The following CEP97 variants were observed in gnomAD, a reference collection of about 807,000 sequenced individuals.
CEP97 encodes the protein centrosomal protein of 97 kDa.
CEP97 carries 43 observed loss-of-function variants against 73.1 expected under a neutral mutation model. That is an observed-to-expected ratio of 0.59 (90% CI 0.46 to 0.76). CEP97 has a LOEUF of 0.76. Among genes scored for constraint, CEP97 ranks in the 30% least tolerant of loss-of-function variants. The probability of loss-of-function intolerance (pLI) is 0.00; values close to 1 mark genes in which losing one functional copy is unlikely to be tolerated. For synonymous variants in CEP97, 337 were observed against 370.0 expected (o/e 0.91, Z 1.02); for missense variants, 939 against 1,014.0 (o/e 0.93, Z 1.00).
rs200003550 is a variant in CEP97 at position 101,732,582 on chromosome 3, A to C, written c.656A>C (p.Tyr219Ser). 1 of 1,613,982 alleles carries C rather than the reference A, an allele frequency of 6.2e-7. No homozygotes were observed. The highest frequency in any genetic ancestry group is 2.2e-5 in the East Asian group (1 of 44,888). ...MATPSIPGFD[Y>S]RPYIVSWCLN... Reference sequence around the variant, plus strand: ...ACACCATCCATCCCAGGATTTGACTATCGGCCGTACATCGTCAGCTGGTGC... The same window carrying C: ...ACACCATCCATCCCAGGATTTGACTCTCGGCCGTACATCGTCAGCTGGTGC... Residue 219 changes from tyrosine (Y) to serine (S), a missense_variant, in exon 6 of 11, where the codon TAT (tyrosine) becomes TCT (serine). Physicochemically the swap from Tyr to Ser is moderately radical, Grantham distance 144. Coordinates refer to ENST00000341893, the MANE Select transcript of CEP97 (RefSeq NM_024548.4).
rs1351403885 is a variant in CEP97 at position 101,766,302 on chromosome 3, T to C, written c.*751T>C. 1 of 152,522 alleles carries C rather than the reference T, an allele frequency of 6.6e-6. No individual in the cohort carries two copies. Among genetic ancestry groups the C allele is most frequent in the East Asian group, 1.9e-4 (1 of 5,206 alleles). 9.4% of individuals were successfully genotyped at this position (152,522 alleles called of 1,614,324 possible). A position where few individuals can be genotyped will look rare whatever the true frequency, so the allele number is the denominator to read the frequency against. On this transcript the variant is annotated 3_prime_UTR_variant, in exon 11 of 11. Transcript: ENST00000341893. ...AAAGGAAACACTAGTCTCCATTCAC[T>C]TGAAATACTCTCATGGCAAATATTT...
At chr3:101,739,648 C>A (rs544564190) in intron 6 of CEP97, among the ~76,000 whole-genome samples, 27 of 152,142 alleles carry the variant, frequency 1.8e-4, no homozygotes, top group Non-Finnish European at 3.5e-4. Flanking sequence ...TGGCTCACGA[C>A]TGTAATCCCA....
rs964984871 is a variant in CEP97, at chr3:101,769,069, A to G, written c.*3518A>G. On this transcript the variant is annotated 3_prime_UTR_variant, in exon 11 of 11. Transcript: ENST00000341893. Reference sequence around the variant, plus strand: ...GGATTATTTTTTGTATACAAACACCATAATACTGTATTTTCCTGTTATCTA... The same window carrying G: ...GGATTATTTTTTGTATACAAACACCGTAATACTGTATTTTCCTGTTATCTA... 1.3e-5 allele frequency: 2 copies of G among 152,204 alleles called. No homozygotes were observed. Among genetic ancestry groups the G allele is most frequent in the African/African-American group, 4.8e-5 (2 of 41,456 alleles). 9.4% of individuals were successfully genotyped at this position (152,204 alleles called of 1,614,324 possible).
At chr3:101,759,575 G>C (rs951044988) in intron 9 of CEP97, 2 of 152,270 alleles carry the variant, frequency 1.3e-5, no homozygotes, top group African/African-American at 4.8e-5. Flanking sequence ...ATCATTGATT[G>C]CCTAAACTAT....
At chr3:101,763,140 T>C in intron 10 of CEP97, 1 of 1,227,046 alleles carries the variant, frequency 8.1e-7, no homozygotes, top group Non-Finnish European at 1.1e-6. Context: ...CCCAGGCCGG[T>C]CTCAAACTTC....
chr3:101,759,973 C>T (rs1291492553), intron 9 of CEP97, among the ~76,000 whole-genome samples: 4 of 122,738 alleles, frequency 3.3e-5, no homozygotes, highest in South Asian at 5.4e-4. Context: ...AGAGTTTGTT[C>T]ATGTGTTGAT....
At chr3:101,735,971 G>A (rs183955769) in intron 6 of CEP97, among the ~76,000 whole-genome samples, 1 of 152,322 alleles carries the variant, frequency 6.6e-6, no homozygotes, top group Non-Finnish European at 1.5e-5. Flanking sequence ...TGCCAGTACA[G>A]CAGTCTGAAG....
In CEP97 at chr3:101,761,994, T is replaced by C. The variant is rs550319464; in HGVS notation, c.1818-491T>C. On this transcript the variant is annotated intron_variant, in intron 9 of 10. Coordinates refer to ENST00000341893, the MANE Select transcript of CEP97 (RefSeq NM_024548.4). ...AGGTCGGAGACCTGGGGAAACAGAA[T>C]AGTGAAGTTTGATGGGATTAGTCTT... Among the ~76,000 whole-genome samples, 3 of 152,208 alleles carry C rather than the reference T, an allele frequency of 2.0e-5. No individual in the cohort carries two copies. The South Asian group carries it at 6.2e-4, about 32-fold the overall frequency.
rs1045037588 is a variant in CEP97, at chr3:101,728,696, C to T, written c.346-140C>T. On this transcript the variant is annotated intron_variant, in intron 3 of 10. Coordinates refer to ENST00000341893, the MANE Select transcript of CEP97 (RefSeq NM_024548.4). ...CTACTAAATTCTGTTAGTACTGCCC[C>T]TTTTCTCTTGCTAAGTTCTTCTACT... 8 of 626,636 alleles carry T rather than the reference C, an allele frequency of 1.3e-5. No homozygotes were observed. The African/African-American group carries it at 1.3e-4, about 10-fold the overall frequency. The allele number at this position is 626,636 out of a possible 1,614,324, so 38.8% of individuals were successfully genotyped here.
chr3:101,724,838 T>C (rs1306889109), intron 1 of CEP97, 119 bp downstream of exon 1: 1 of 1,072,466 alleles, frequency 9.3e-7, no homozygotes, highest in South Asian at 1.4e-5. Context: ...GATGCGGATC[T>C]GTGGTCGTCG....
At chr3:101,739,298 G>T (rs1271877559) in intron 6 of CEP97, among the ~76,000 whole-genome samples, 1 of 152,112 alleles carries the variant, frequency 6.6e-6, no homozygotes, top group African/African-American at 2.4e-5. Context: ...GAAAAAGAGG[G>T]ACTCCTCCCT....
intron 6 of CEP97, among the ~76,000 whole-genome samples, chr3:101,751,105 A>G (rs1401419455): frequency 2.0e-5 from 3 of 152,132 alleles, no homozygotes; most frequent in African/African-American, 4.8e-5. Context: ...AGATTCTGGT[A>G]TGTTGTGTCT....
At chr3:101,757,311 G>A in intron 8 of CEP97, 115 bp downstream of exon 8, 2 of 1,153,448 alleles carry the variant, frequency 1.7e-6, no homozygotes, top group East Asian at 2.5e-5. Context: ...ACTAACTTCA[G>A]TAATCATTTA....
chr3:101,738,070 C>T (rs545733386), intron 6 of CEP97, among the ~76,000 whole-genome samples: 9 of 134,438 alleles, frequency 6.7e-5, no homozygotes, highest in Non-Finnish European at 1.1e-4. Flanking sequence ...ATAAAACAGA[C>T]TTTAAACCAA....
In CEP97 at chr3:101,765,038, A is replaced by G. The variant is rs374282051; in HGVS notation, c.2085A>G (p.Leu695=). 101 of 1,614,046 alleles carry G rather than the reference A, an allele frequency of 6.3e-5. No homozygotes were observed. Among genetic ancestry groups the G allele is most frequent in the Non-Finnish European group, 8.1e-5 (95 of 1,180,030 alleles). ...ASDVAPQEKS[L]PEFPDSGFHS... is the part of the protein sequence containing the mutation. ...ATGTAGCTCCTCAAGAGAAATCATT[A>G]CCAGAATTTCCAGACTCTGGTTTTC... The change falls in exon 11 of 11, where the codon TTA becomes TTG. Residue 695 remains leucine (L), a synonymous_variant. Transcript: ENST00000341893.
At chr3:101,752,264 G>A (rs1433255136) in intron 6 of CEP97, among the ~76,000 whole-genome samples, 3 of 152,114 alleles carry the variant, frequency 2.0e-5, no homozygotes, top group Non-Finnish European at 2.9e-5. Context: ...CGAGAGATCC[G>A]CTGTTAGTCT....
At position 101,766,734 on chromosome 3, in the gene CEP97, G is replaced by A. The variant is rs999291089; in HGVS notation, c.*1183G>A. 5 of 151,992 alleles carry A rather than the reference G, an allele frequency of 3.3e-5. No individual in the cohort carries two copies. Among genetic ancestry groups the A allele is most frequent in the South Asian group, 4.2e-4 (2 of 4,816 alleles). The allele number at this position is 151,992 out of a possible 1,614,324, so 9.4% of individuals were successfully genotyped here. A position where few individuals can be genotyped will look rare whatever the true frequency, so the allele number is the denominator to read the frequency against. ...TGCATTTGTAATTAAGGATAATATC[G>A]TTTAACAACATGTATTTGGTTTCCC... On this transcript the variant is annotated 3_prime_UTR_variant, in exon 11 of 11. Transcript: ENST00000341893.
intron 6 of CEP97, among the ~76,000 whole-genome samples, chr3:101,746,638 A>G (rs1560014532): frequency 1.3e-5 from 2 of 152,116 alleles, no homozygotes; most frequent in Middle Eastern, 3.4e-3. Context: ...CATGTCTAAA[A>G]CACCAAAAGC....
At chr3:101,726,526 C>G in intron 1 of CEP97, 68 bp from the exon 2 acceptor site, 1 of 1,159,974 alleles carries the variant, frequency 8.6e-7, no homozygotes, top group East Asian at 2.6e-5. Context: ...ATAATTCCAG[C>G]CCTATGCTTA....
Sources: allele counts gnomAD v4.1 joint callset (sites outside exome capture counted in the v4.1 genomes callset), GRCh38; gene constraint gnomAD v4.1.1; transcripts MANE v1.5; gene names NCBI Gene and HGNC (gene_info 2026-07-23, HGNC 2026-07-21).